GAS2: variants seen among roughly 807,000 people sequenced by gnomAD.
GAS2 encodes the protein growth arrest-specific protein 2.
In GAS2, 20 loss-of-function variants were observed where a neutral mutation model predicts 37.5. The ratio of observed to expected loss-of-function variants is 0.53; its 90% CI spans 0.37 to 0.77. The LOEUF (loss-of-function observed/expected upper bound fraction) is 0.77, where lower values mean the gene tolerates loss of function less well. Among genes scored for constraint, GAS2 ranks in the 30% least tolerant of loss-of-function variants. The pLI is 0.00. For synonymous variants in GAS2, 144 were observed against 132.2 expected (o/e 1.09, Z -0.61); for missense variants, 336 against 373.4 (o/e 0.90, Z 0.82).
chr11:22,807,372 G>A (rs1437567016), intron 7 of GAS2, among the ~76,000 whole-genome samples: 2 of 152,160 alleles, frequency 1.3e-5, no homozygotes, highest in African/African-American at 4.8e-5. Context: ...GTCCGTATAA[G>A]GCAGTGTCTC....
rs527288135 is a variant in GAS2, at chr11:22,655,442, CAGTATAAAAAAAAGGA to C, written c.-20-19405_-20-19390del. On this transcript the variant is annotated intron_variant, in intron 1 of 5. Transcript: ENST00000528582. ...TAAAGAGTTCATAAATGTTTAAAAA[CAGTATAAAAAAAAGGA>C]AGCATTCCAAAAACATTATCAGAAT... Among the ~76,000 whole-genome samples the C allele has an allele frequency of 5.8e-4, 88 of 152,134 alleles. No individual in the cohort carries two copies. The South Asian group carries it at 0.011, about 19-fold the overall frequency.
intron 7 of GAS2, among the ~76,000 whole-genome samples, chr11:22,781,451 C>T (rs576660093): frequency 2.6e-5 from 4 of 152,330 alleles, no homozygotes; most frequent in Middle Eastern, 3.4e-3. Context: ...TCAGACTTTT[C>T]ATTCACAGGT....
At chr11:22,711,560 G>A (rs1478396418) in intron 3 of GAS2, among the ~76,000 whole-genome samples, 2 of 152,232 alleles carry the variant, frequency 1.3e-5, no homozygotes, top group Non-Finnish European at 2.9e-5. Flanking sequence ...GCAGGCCCAG[G>A]CCTGAGAGCC....
chr11:22,697,206 T>G (rs1850572116), intron 3 of GAS2, among the ~76,000 whole-genome samples: 2 of 152,098 alleles, frequency 1.3e-5, no homozygotes, highest in African/African-American at 4.8e-5. Flanking sequence ...AGGGAATCCT[T>G]TCCCCATTGC....
intron 1 of GAS2, chr11:22,667,152 G>A (rs1224529186): frequency 6.6e-6 from 1 of 152,286 alleles, no homozygotes; most frequent in Non-Finnish European, 1.5e-5. Context: ...ACAACCATGT[G>A]TTCCTTATCC....
At chr11:22,678,318 T>C (rs1849530380) in intron 2 of GAS2, among the ~76,000 whole-genome samples, 1 of 152,182 alleles carries the variant, frequency 6.6e-6, no homozygotes, top group South Asian at 2.1e-4. Context: ...TAGATACATT[T>C]AGTATTCACA....
intron 3 of GAS2, among the ~76,000 whole-genome samples, chr11:22,695,352 G>A (rs1340308981): frequency 6.6e-6 from 1 of 151,976 alleles, no homozygotes; most frequent in African/African-American, 2.4e-5. Flanking sequence ...TTATTCTGTG[G>A]CTAGCTGAGA....
intron 5 of GAS2, among the ~76,000 whole-genome samples, chr11:22,745,567 CA>C (rs1258680727): frequency 6.6e-6 from 1 of 151,988 alleles, no homozygotes; most frequent in East Asian, 1.9e-4. Context: ...TCTGCAAAAG[CA>C]ATTGCAACGA....
intron 1 of GAS2, among the ~76,000 whole-genome samples, chr11:22,652,394 C>G (rs1036821350): frequency 1.1e-4 from 17 of 152,218 alleles, no homozygotes; most frequent in African/African-American, 3.4e-4. Flanking sequence ...GCCCTGCCCC[C>G]AGAGGTGGAG....
intron 3 of GAS2, among the ~76,000 whole-genome samples, chr11:22,710,032 G>C (rs1442614341): frequency 6.9e-6 from 1 of 144,264 alleles, no homozygotes; most frequent in Non-Finnish European, 1.5e-5. Context: ...GGAGGGGGGA[G>C]GGATAGCATT....
chr11:22,715,460 CAAAAAAAAAAAAAAA>C (rs1192862614), intron 3 of GAS2, among the ~76,000 whole-genome samples: 4 of 41,768 alleles, frequency 9.6e-5, no homozygotes, highest in Admixed American at 4.3e-4. Flanking sequence ...GACTCTGTCT[CAAAAAAAAAAAAAAA>C]AAAAAAAAGA....
At chr11:22,777,656 A>C (rs1855327552) in intron 7 of GAS2, among the ~76,000 whole-genome samples, 1 of 152,228 alleles carries the variant, frequency 6.6e-6, no homozygotes, top group Admixed American at 6.5e-5. Context: ...AGGGCTCTTC[A>C]AACAATGAAT....
intron 1 of GAS2, among the ~76,000 whole-genome samples, chr11:22,647,371 C>T (rs1351479321): frequency 3.3e-5 from 5 of 152,006 alleles, no homozygotes; most frequent in Admixed American, 6.6e-5. Context: ...TGAATAATGC[C>T]GCAATAAACA....
At chr11:22,683,809 CAT>C (rs1849814266) in intron 2 of GAS2, among the ~76,000 whole-genome samples, 1 of 152,006 alleles carries the variant, frequency 6.6e-6, no homozygotes, top group Non-Finnish European at 1.5e-5. Context: ...ATGTGAATAA[CAT>C]TATGCTTACC....
intron 7 of GAS2, among the ~76,000 whole-genome samples, chr11:22,764,423 G>T (rs10741950): frequency 0.75 from 113,275 of 151,754 alleles, 43,247 homozygotes; most frequent in Middle Eastern, 0.88. Flanking sequence ...AGCCGAGCGT[G>T]GTGGCAGGCG....
chr11:22,699,991 A>C (rs1397348155), intron 3 of GAS2, among the ~76,000 whole-genome samples: 1 of 152,156 alleles, frequency 6.6e-6, no homozygotes, highest in East Asian at 1.9e-4. Context: ...AGAAGGGAAA[A>C]GGATACTGGA....
intron 3 of GAS2, among the ~76,000 whole-genome samples, chr11:22,696,362 T>A (rs1254610897): frequency 2.0e-5 from 3 of 152,128 alleles, no homozygotes; most frequent in Non-Finnish European, 4.4e-5. Context: ...TTTGGATTAG[T>A]TCCAAGTCTT....
chr11:22,703,619 TG>T (rs1261175946), intron 3 of GAS2, among the ~76,000 whole-genome samples: 1 of 152,196 alleles, frequency 6.6e-6, no homozygotes, highest in Non-Finnish European at 1.5e-5. Flanking sequence ...TAATTTAAAA[TG>T]TAAGCACTCA....
intron 6 of GAS2, among the ~76,000 whole-genome samples, chr11:22,750,746 T>C (rs745737059): frequency 3.9e-5 from 6 of 152,036 alleles, no homozygotes; most frequent in Non-Finnish European, 8.8e-5. Flanking sequence ...TTTATTAGAC[T>C]TACTTTAGGG....
Sources: allele counts gnomAD v4.1 joint callset (sites outside exome capture counted in the v4.1 genomes callset), GRCh38; gene constraint gnomAD v4.1.1; transcripts MANE v1.5; gene names NCBI Gene and HGNC (gene_info 2026-07-23, HGNC 2026-07-21).